Variants in RPS6KA2 observed in about 807,000 individuals in gnomAD.
RPS6KA2 encodes ribosomal protein S6 kinase alpha-2.
A neutral mutation model predicts 91.8 loss-of-function variants in RPS6KA2; 42 were observed. That is an observed-to-expected ratio of 0.46 (90% CI 0.36 to 0.59). The LOEUF (loss-of-function observed/expected upper bound fraction) is 0.59, where lower values mean the gene tolerates loss of function less well. RPS6KA2 is among the 20% of genes least tolerant of loss of function. The probability of loss-of-function intolerance (pLI) is 0.00; values close to 1 mark genes in which losing one functional copy is unlikely to be tolerated. For missense variants in RPS6KA2, 798 were observed against 978.5 expected (o/e 0.82, Z 2.46); for synonymous variants, 414 against 393.6 (o/e 1.05, Z -0.61).
At chr6:166,476,892 T>G (rs555028705) in intron 10 of RPS6KA2, among the ~76,000 whole-genome samples, 1 of 152,244 alleles carries the variant, frequency 6.6e-6, no homozygotes, top group Admixed American at 6.5e-5. Flanking sequence ...TGCGATTGCC[T>G]TGCATATCCA....
chr6:166,476,662 C>T (rs551766836), intron 10 of RPS6KA2, among the ~76,000 whole-genome samples: 3 of 152,158 alleles, frequency 2.0e-5, no homozygotes, highest in Admixed American at 2.0e-4. Flanking sequence ...TCCCCTCTCT[C>T]CCTGGGGGAG....
chr6:166,768,562 GAAC>G (rs1052106379), intron 2 of RPS6KA2, among the ~76,000 whole-genome samples: 1 of 152,080 alleles, frequency 6.6e-6, no homozygotes, highest in Non-Finnish European at 1.5e-5. Flanking sequence ...ACAATCTGTT[GAAC>G]ATCAACTTTT....
chr6:166,649,840 G>C (rs1787793394), intron 2 of RPS6KA2, among the ~76,000 whole-genome samples: 1 of 152,176 alleles, frequency 6.6e-6, no homozygotes, highest in Non-Finnish European at 1.5e-5. Flanking sequence ...CGATTGTTTT[G>C]CTACCAGGAC....
At chr6:166,775,535 G>T (rs1173166029) in intron 2 of RPS6KA2, among the ~76,000 whole-genome samples, 1 of 152,190 alleles carries the variant, frequency 6.6e-6, no homozygotes, top group Non-Finnish European at 1.5e-5. Context: ...TTTACACAGG[G>T]TCCACGTTGT....
intron 10 of RPS6KA2, among the ~76,000 whole-genome samples, chr6:166,479,127 A>C (rs1170710142): frequency 6.6e-6 from 1 of 152,070 alleles, no homozygotes; most frequent in Non-Finnish European, 1.5e-5. Context: ...TTTGTGCCTC[A>C]TCTGCTTCTC....
rs1211117132 is a variant in RPS6KA2, at chr6:166,825,839, G to A, written c.123+32361C>T. ...ACCTTGAGGGTTAGGATTTCAACACGAATTCTGGGAGAGACACAAGCATTC... is the reference window on the plus strand; with the variant it reads ...ACCTTGAGGGTTAGGATTTCAACACAAATTCTGGGAGAGACACAAGCATTC... On this transcript the variant is annotated intron_variant, in intron 2 of 21. Transcript: ENST00000503859. This position sits in a 1 kb window ranked among gnomAD's most constrained non-coding sequence, Gnocchi z 4.1. Among the ~76,000 whole-genome samples, 2 of 152,144 alleles carry A rather than the reference G, an allele frequency of 1.3e-5. No individual in the cohort carries two copies. The highest frequency in any genetic ancestry group is 2.9e-5 in the Non-Finnish European group (2 of 68,022).
At chr6:166,488,513 T>C (rs1165783835) in intron 10 of RPS6KA2, among the ~76,000 whole-genome samples, 1 of 152,276 alleles carries the variant, frequency 6.6e-6, no homozygotes, top group East Asian at 1.9e-4. Flanking sequence ...TCAACGGTTC[T>C]GTCCTTAGCT....
intron 2 of RPS6KA2, among the ~76,000 whole-genome samples, chr6:166,855,769 T>C (rs1780883105): frequency 6.6e-6 from 1 of 152,274 alleles, no homozygotes; most frequent in Non-Finnish European, 1.5e-5. Context: ...TTTTCTCCAG[T>C]ATTTTCTCAT....
chr6:166,517,744 G>A (rs749795471), intron 3 of RPS6KA2, among the ~76,000 whole-genome samples: 243 of 152,008 alleles, frequency 1.6e-3, no homozygotes, highest in Non-Finnish European at 2.8e-3. Flanking sequence ...CAAAGTGCTG[G>A]GATTACAGGC....
chr6:166,615,124 T>C (rs1786356519), intron 1 of RPS6KA2, among the ~76,000 whole-genome samples: 1 of 152,132 alleles, frequency 6.6e-6, no homozygotes, highest in Non-Finnish European at 1.5e-5. Context: ...GCCATTGAAA[T>C]CCCAGCAGGA....
intron 2 of RPS6KA2, among the ~76,000 whole-genome samples, chr6:166,745,011 C>T (rs1164358126): frequency 6.6e-6 from 1 of 152,142 alleles, no homozygotes; most frequent in Non-Finnish European, 1.5e-5. Context: ...TCTCACGGTT[C>T]TGGAGGCTGG....
intron 1 of RPS6KA2, among the ~76,000 whole-genome samples, chr6:166,609,291 C>T (rs781611061): frequency 2.6e-5 from 4 of 152,018 alleles, no homozygotes; most frequent in Non-Finnish European, 4.4e-5. Flanking sequence ...AACTGGGTTC[C>T]GGGTGTGAGA....
intron 2 of RPS6KA2, among the ~76,000 whole-genome samples, chr6:166,854,727 C>T (rs574367517): frequency 1.3e-5 from 2 of 152,302 alleles, no homozygotes; most frequent in South Asian, 2.1e-4. Context: ...AGAAAGGGAA[C>T]GCTTATACAC....
At chr6:166,679,360 A>C (rs1174383005) in intron 2 of RPS6KA2, among the ~76,000 whole-genome samples, 1 of 151,836 alleles carries the variant, frequency 6.6e-6, no homozygotes, top group Non-Finnish European at 1.5e-5. Context: ...GCTATTCAGG[A>C]GGCTGAGGCA....
intron 3 of RPS6KA2, among the ~76,000 whole-genome samples, chr6:166,525,005 C>T (rs542522517): frequency 1.3e-5 from 2 of 152,330 alleles, no homozygotes; most frequent in Non-Finnish European, 2.9e-5. Flanking sequence ...GGGTCCGAGG[C>T]ATCAGCATCT....
intron 3 of RPS6KA2, among the ~76,000 whole-genome samples, chr6:166,530,861 T>G (rs1583246399): frequency 1.3e-5 from 2 of 152,176 alleles, no homozygotes; most frequent in South Asian, 4.1e-4. Flanking sequence ...ATGAGTCACG[T>G]TGTATTTAAA....
chr6:166,492,819 G>A lies in RPS6KA2; in HGVS notation c.748-2078C>T, dbSNP rs533283060. The stretch of plus-strand genomic sequence containing the variant: ...CAACCTCCGCCTCCTGGGTTCAAGC[G>A]ATTCTCCTGTCTCCACCTCCCGAGT... On this transcript the variant is annotated intron_variant, in intron 8 of 20. Coordinates refer to ENST00000265678, the MANE Select transcript of RPS6KA2 (RefSeq NM_021135.6). 9.9e-4 allele frequency among the ~76,000 whole-genome samples: 150 copies of A among 150,884 alleles called. 1 individual carries two copies. The Middle Eastern group carries it at 0.014, about 14-fold the overall frequency.
exon 1 of RPS6KA2, chr6:166,862,252 G>A (rs1479182812): frequency 1.4e-5 from 23 of 1,603,894 alleles, no homozygotes; most frequent in Middle Eastern, 1.7e-4. Flanking sequence ...ACAGGGGGAC[G>A]GCCAGACGGG....
chr6:166,518,050 C>T (rs1469120353), intron 3 of RPS6KA2, among the ~76,000 whole-genome samples: 4 of 152,126 alleles, frequency 2.6e-5, no homozygotes, highest in East Asian at 1.9e-4. Flanking sequence ...ATTCCTCTAG[C>T]GCTGCTGGGT....
Sources: gnomAD v4.1 joint callset for allele counts (sites outside exome capture counted in the v4.1 genomes callset) on GRCh38, gnomAD v4.1.1 for gene constraint, Gnocchi (gnomAD v3.1) non-coding constraint, MANE v1.5 for transcripts, NCBI Gene and HGNC (gene_info 2026-07-23, HGNC 2026-07-21) for gene names.